NAALADL2: variants seen among roughly 807,000 people sequenced by gnomAD.
The protein encoded by NAALADL2 is inactive N-acetylated-alpha-linked acidic dipeptidase-like protein 2.
NAALADL2 carries 76 observed loss-of-function variants against 87.2 expected under a neutral mutation model. That is an observed-to-expected ratio of 0.87 (90% CI 0.72 to 1.05). The LOEUF (loss-of-function observed/expected upper bound fraction) is 1.05, where lower values mean the gene tolerates loss of function less well. Ranked by LOEUF, NAALADL2 falls within the 50% of genes least tolerant of loss-of-function variation. The pLI, the probability that NAALADL2 is intolerant of heterozygous loss-of-function variation, is 0.00. For missense variants in NAALADL2, 1,089 were observed against 945.8 expected, an observed-to-expected ratio of 1.15 and a Z score of -1.99; for synonymous variants, 354 against 331.0, an observed-to-expected ratio of 1.07 and a Z score of -0.75.
At chr3:174,898,208 G>A (rs1381757960) in intron 1 of NAALADL2, among the ~76,000 whole-genome samples, 1 of 143,450 alleles carries the variant, frequency 7.0e-6, no homozygotes, top group Non-Finnish European at 1.5e-5. Flanking sequence ...ATTATGTTAA[G>A]TGAAATAATC....
intron 11 of NAALADL2, among the ~76,000 whole-genome samples, chr3:175,694,730 T>C (rs1737511630): frequency 6.6e-6 from 1 of 152,128 alleles, no homozygotes; most frequent in Non-Finnish European, 1.5e-5. Flanking sequence ...AATTCTGACT[T>C]TAGGGATGCT....
intron 10 of NAALADL2, among the ~76,000 whole-genome samples, chr3:175,578,581 C>T (rs1394514021): frequency 6.6e-6 from 1 of 152,104 alleles, no homozygotes; most frequent in East Asian, 1.9e-4. Context: ...TTATTATTAA[C>T]TCTGTTCATG....
chr3:174,679,783 T>A (rs1727359187), intron 2 of NAALADL2, among the ~76,000 whole-genome samples: 1 of 152,214 alleles, frequency 6.6e-6, no homozygotes, highest in South Asian at 2.1e-4. Flanking sequence ...AATAATATAT[T>A]GCAAAATATT....
intron 5 of NAALADL2, among the ~76,000 whole-genome samples, chr3:175,400,389 C>T (rs1191865035): frequency 6.6e-6 from 1 of 152,116 alleles, no homozygotes; most frequent in Non-Finnish European, 1.5e-5. Flanking sequence ...AAAGTGAACA[C>T]ATTTAGCTTC....
intron 9 of NAALADL2, among the ~76,000 whole-genome samples, chr3:175,567,027 A>G (rs1165622047): frequency 6.6e-6 from 1 of 152,184 alleles, no homozygotes; most frequent in African/African-American, 2.4e-5. Context: ...AGATTTTTAC[A>G]TTGTAAAGAT....
intron 10 of NAALADL2, among the ~76,000 whole-genome samples, chr3:175,580,525 G>C (rs1345286977): frequency 6.6e-6 from 1 of 152,090 alleles, no homozygotes; most frequent in East Asian, 1.9e-4. Flanking sequence ...TCCTTTAAAA[G>C]TTCTTGATTT....
chr3:175,559,318 T>TTTGTTG (rs367634123), intron 9 of NAALADL2, among the ~76,000 whole-genome samples: 17,926 of 152,042 alleles, frequency 0.12, 1,189 homozygotes, highest in Middle Eastern at 0.17. Flanking sequence ...GTTTTTAAAG[T>TTTGTTG]TTGTTGTTGT....
intron 2 of NAALADL2, among the ~76,000 whole-genome samples, chr3:175,132,399 C>T (rs1728181025): frequency 1.3e-5 from 1 of 75,270 alleles, no homozygotes; most frequent in Admixed American, 1.2e-4. Context: ...GCAGAGGCGC[C>T]CCTCACCTCC....
intron 1 of NAALADL2, among the ~76,000 whole-genome samples, chr3:174,512,121 C>T (rs1458453465): frequency 6.6e-6 from 1 of 152,002 alleles, no homozygotes; most frequent in Non-Finnish European, 1.5e-5. Flanking sequence ...TTTACATCTA[C>T]CTTAAGAACT....
At chr3:175,766,186 T>G (rs927818067) in intron 13 of NAALADL2, among the ~76,000 whole-genome samples, 3 of 152,160 alleles carry the variant, frequency 2.0e-5, no homozygotes, top group Non-Finnish European at 4.4e-5. Context: ...TTGTCCTGAA[T>G]CAATAAAATT....
chr3:175,570,430 A>T (rs1458787788), intron 9 of NAALADL2, among the ~76,000 whole-genome samples: 1 of 152,248 alleles, frequency 6.6e-6, no homozygotes, highest in Non-Finnish European at 1.5e-5. Flanking sequence ...AAAATTAACC[A>T]TCACACTGCC....
At chr3:174,503,251 T>A (rs1023416420) in intron 1 of NAALADL2, among the ~76,000 whole-genome samples, 1 of 152,154 alleles carries the variant, frequency 6.6e-6, no homozygotes, top group Non-Finnish European at 1.5e-5. Context: ...AGTACTCTAA[T>A]GTAGAAAATG....
At chr3:175,487,038 A>C (rs1342219789) in intron 9 of NAALADL2, among the ~76,000 whole-genome samples, 1 of 152,320 alleles carries the variant, frequency 6.6e-6, no homozygotes, top group South Asian at 2.1e-4. Context: ...GACTTAAGTC[A>C]GATCATTCTG....
intron 2 of NAALADL2, among the ~76,000 whole-genome samples, chr3:174,649,689 G>T (rs999545725): frequency 2.0e-5 from 3 of 152,066 alleles, no homozygotes; most frequent in Non-Finnish European, 4.4e-5. Flanking sequence ...ACAGCAGAAA[G>T]AAATATATCA....
At chr3:175,407,639 G>A (rs1024188746) in intron 5 of NAALADL2, among the ~76,000 whole-genome samples, 2 of 152,142 alleles carry the variant, frequency 1.3e-5, no homozygotes, top group African/African-American at 2.4e-5. Flanking sequence ...AGCACTAGAG[G>A]GAGAAAGTGA....
At chr3:175,511,756 A>G (rs1056164847) in intron 9 of NAALADL2, among the ~76,000 whole-genome samples, 2 of 152,210 alleles carry the variant, frequency 1.3e-5, no homozygotes, top group African/African-American at 4.8e-5. Flanking sequence ...AAACATGCCA[A>G]TTCTACCTCA....
At chr3:174,443,017 G>A (rs1471490477) in intron 1 of NAALADL2, among the ~76,000 whole-genome samples, 1 of 152,166 alleles carries the variant, frequency 6.6e-6, no homozygotes, top group Non-Finnish European at 1.5e-5. Context: ...GGATAGAGGA[G>A]AAGTAGGATA....
chr3:175,117,020 C>A (rs1453656103), intron 2 of NAALADL2, among the ~76,000 whole-genome samples: 2 of 151,984 alleles, frequency 1.3e-5, no homozygotes, highest in African/African-American at 4.8e-5. Context: ...GAAAGGATTC[C>A]CTATTTAATA....
At chr3:175,621,417 C>A (rs1042954749) in intron 10 of NAALADL2, among the ~76,000 whole-genome samples, 5 of 152,162 alleles carry the variant, frequency 3.3e-5, no homozygotes, top group African/African-American at 1.2e-4. Flanking sequence ...GGGTTTTATA[C>A]CCCTTTCAAG....
Sources: allele counts gnomAD v4.1 joint callset (sites outside exome capture counted in the v4.1 genomes callset), GRCh38; gene constraint gnomAD v4.1.1; transcripts MANE v1.5; gene names NCBI Gene and HGNC (gene_info 2026-07-23, HGNC 2026-07-21).